The following DNAJC6 variants were observed in gnomAD, a reference collection of about 807,000 sequenced individuals.
DNAJC6 encodes DnaJ heat shock protein family (Hsp40) member C6.
DNAJC6 carries 34 observed loss-of-function variants against 110.0 expected under a neutral mutation model. The observed-to-expected ratio is 0.31, with a 90% CI of 0.24 to 0.41. The LOEUF (loss-of-function observed/expected upper bound fraction) is 0.41, where lower values mean the gene tolerates loss of function less well. Ranked by LOEUF, DNAJC6 falls within the 10% of genes least tolerant of loss-of-function variation. The pLI, the probability that DNAJC6 is intolerant of heterozygous loss-of-function variation, is 1.00. For missense variants in DNAJC6, 1,031 were observed against 1,207.8 expected, an observed-to-expected ratio of 0.85 and a Z score of 2.17; for synonymous variants, 406 against 437.2, an observed-to-expected ratio of 0.93 and a Z score of 0.89.
chr1:65,310,161 A>T (rs965462950), intron 1 of DNAJC6, among the ~76,000 whole-genome samples: 5 of 144,356 alleles, frequency 3.5e-5, no homozygotes, highest in African/African-American at 7.6e-5. Context: ...GACTGTAGCG[A>T]GCTCCTCCTA....
chr1:65,385,968 ATGAG>A, intron 7 of DNAJC6, 62 bp downstream of exon 7: 1 of 1,408,610 alleles, frequency 7.1e-7, no homozygotes, highest in Non-Finnish European at 9.6e-7. Context: ...ATGAGCAGGA[ATGAG>A]TTGAATCATA....
rs192925382 is a variant in DNAJC6 at position 65,386,733 on chromosome 1, A to G, written c.996-79A>G. 5.8e-5 allele frequency: 72 copies of G among 1,236,638 alleles called. No homozygotes were observed. The East Asian group carries it at 1.5e-3, about 25-fold the overall frequency. 76.6% of individuals were successfully genotyped at this position (1,236,638 alleles called of 1,614,324 possible). A position where few individuals can be genotyped will look rare whatever the true frequency, so the allele number is the denominator to read the frequency against. ...GCGAACAGTCCTCTGGGCCAGAGCC[A>G]TAGAGAACTATACCTGTGTCTGTGT... On this transcript the variant is annotated intron_variant, in intron 7 of 18. Transcript: ENST00000371069.
upstream of DNAJC6, chr1:65,306,417 GT>G (rs1318730518): frequency 2.6e-5 from 4 of 152,156 alleles, no homozygotes; most frequent in Admixed American, 6.5e-5. Flanking sequence ...TCCTACATAG[GT>G]CATGGCATAC....
intron 13 of DNAJC6, among the ~76,000 whole-genome samples, chr1:65,397,337 A>AAATAC (rs1645989292): frequency 6.6e-6 from 1 of 152,222 alleles, no homozygotes; most frequent in Non-Finnish European, 1.5e-5. Flanking sequence ...AAAATAAAAA[A>AAATAC]AATACTGCCT....
At chr1:65,394,803 G>T in intron 12 of DNAJC6, 95 bp from the exon 13 acceptor site, 6 of 1,390,936 alleles carry the variant, frequency 4.3e-6, no homozygotes, top group Non-Finnish European at 5.7e-6. Context: ...GAAATTCTTG[G>T]AGTCCACTGT....
chr1:65,279,065 A>G (rs983036593), intron 1 of DNAJC6: 2 of 985,296 alleles, frequency 2.0e-6, no homozygotes, highest in African/African-American at 1.7e-5. Context: ...ATTTGACTGC[A>G]TATGCTGAGA....
chr1:65,339,422 C>G (rs1645367831), intron 1 of DNAJC6, among the ~76,000 whole-genome samples: 1 of 152,190 alleles, frequency 6.6e-6, no homozygotes, highest in South Asian at 2.1e-4. Context: ...AAGTGAGCCT[C>G]TATGTCTATT....
chr1:65,367,033 C>T (rs1163632601), intron 4 of DNAJC6, among the ~76,000 whole-genome samples: 1 of 152,174 alleles, frequency 6.6e-6, no homozygotes, highest in Non-Finnish European at 1.5e-5. Flanking sequence ...GTTTCCAGAT[C>T]TGTAACACAC....
At chr1:65,352,355 A>G (rs1327933700) in intron 1 of DNAJC6, among the ~76,000 whole-genome samples, 1 of 152,136 alleles carries the variant, frequency 6.6e-6, no homozygotes, top group Non-Finnish European at 1.5e-5. Flanking sequence ...TCACACCGAC[A>G]TTTGGATATA....
intron 12 of DNAJC6, 80 bp downstream of exon 12, chr1:65,392,945 T>C (rs1230642220): frequency 7.6e-7 from 1 of 1,321,574 alleles, no homozygotes; most frequent in Non-Finnish European, 9.9e-7. Flanking sequence ...TGAACTTTCC[T>C]AATAAGCTAG....
intron 1 of DNAJC6, among the ~76,000 whole-genome samples, chr1:65,311,459 A>C (rs1158108705): frequency 1.3e-5 from 2 of 152,144 alleles, no homozygotes; most frequent in East Asian, 3.9e-4. Context: ...TCCTGACCTC[A>C]GGTGATCTGC....
chr1:65,318,245 A>G (rs1466437633), intron 1 of DNAJC6, among the ~76,000 whole-genome samples: 3 of 152,254 alleles, frequency 2.0e-5, no homozygotes, highest in Non-Finnish European at 4.4e-5. Flanking sequence ...AAATCAGAAT[A>G]AAATAAATAA....
At chr1:65,394,633 G>A (rs772893879) in intron 12 of DNAJC6, among the ~76,000 whole-genome samples, 20 of 152,176 alleles carry the variant, frequency 1.3e-4, no homozygotes, top group African/African-American at 2.4e-4. Flanking sequence ...TCTTAAAACC[G>A]AGGTGGGATA....
chr1:65,312,904 A>C (rs1379748086), intron 1 of DNAJC6, among the ~76,000 whole-genome samples: 1 of 151,938 alleles, frequency 6.6e-6, no homozygotes, highest in Non-Finnish European at 1.5e-5. Context: ...GGTTCAGACA[A>C]TTCTTGTGTT....
chr1:65,286,162 C>T (rs1333435428), intron 1 of DNAJC6, among the ~76,000 whole-genome samples: 1 of 152,232 alleles, frequency 6.6e-6, no homozygotes, highest in Non-Finnish European at 1.5e-5. Flanking sequence ...TTCTCTCATA[C>T]AACCAAAACC....
intron 15 of DNAJC6, among the ~76,000 whole-genome samples, chr1:65,404,198 C>A (rs577141728): frequency 6.6e-6 from 1 of 152,266 alleles, no homozygotes; most frequent in Admixed American, 6.5e-5. Context: ...TGAAGACAAG[C>A]CCTGTCATTA....
At chr1:65,401,672 G>A in intron 14 of DNAJC6, 89 bp from the exon 15 acceptor site, 1 of 1,532,106 alleles carries the variant, frequency 6.5e-7, no homozygotes, top group Non-Finnish European at 8.7e-7. Context: ...TTGCCTAGGA[G>A]ACAAATAAAC....
intron 1 of DNAJC6, among the ~76,000 whole-genome samples, chr1:65,330,327 G>A (rs1645276169): frequency 6.6e-6 from 1 of 152,158 alleles, no homozygotes; most frequent in Admixed American, 6.5e-5. Context: ...GGAACATGTT[G>A]CAATCCTCTA....
chr1:65,395,160 GAAATTAACAACTCACCTTA>G, intron 13 of DNAJC6, 128 bp downstream of exon 13: 1 of 1,034,188 alleles, frequency 9.7e-7, no homozygotes, highest in East Asian at 2.8e-5. Flanking sequence ...CTCTGTTTTT[GAAATTAACAACTCACCTTA>G]ACATATCAAA....
Sources: gnomAD v4.1 joint callset for allele counts (sites outside exome capture counted in the v4.1 genomes callset) on GRCh38, gnomAD v4.1.1 for gene constraint, MANE v1.5 for transcripts, NCBI Gene and HGNC (gene_info 2026-07-23, HGNC 2026-07-21) for gene names.